The following PTGES3 variants were observed in gnomAD, a reference collection of about 807,000 sequenced individuals.
The protein encoded by PTGES3 is Hsp90 co-chaperone.
In PTGES3, 5 loss-of-function variants were observed where a neutral mutation model predicts 29.9. The observed-to-expected ratio is 0.17, with a 90% CI of 0.09 to 0.35. The LOEUF (loss-of-function observed/expected upper bound fraction) is 0.35, where lower values mean the gene tolerates loss of function less well. Among genes scored for constraint, PTGES3 ranks in the 10% least tolerant of loss-of-function variants. The pLI, the probability that PTGES3 is intolerant of heterozygous loss-of-function variation, is 1.00. For missense variants in PTGES3, 128 were observed against 190.0 expected, an observed-to-expected ratio of 0.67 and a Z score of 1.92; for synonymous variants, 49 against 57.8, an observed-to-expected ratio of 0.85 and a Z score of 0.69.
intron 1 of PTGES3, among the ~76,000 whole-genome samples, chr12:56,677,318 A>G (rs1212866267): frequency 6.6e-6 from 1 of 151,876 alleles, no homozygotes; most frequent in Non-Finnish European, 1.5e-5. Flanking sequence ...TTTGTATCTT[A>G]GAGTGGAAAC....
intron 1 of PTGES3, among the ~76,000 whole-genome samples, chr12:56,673,749 C>T (rs929023129): frequency 4.2e-5 from 6 of 141,474 alleles, no homozygotes; most frequent in African/African-American, 1.1e-4. Flanking sequence ...GCCGAGATTG[C>T]GCCATTGCAC....
At chr12:56,679,189 T>G (rs568835915) in intron 1 of PTGES3, among the ~76,000 whole-genome samples, 4 of 152,032 alleles carry the variant, frequency 2.6e-5, no homozygotes, top group Non-Finnish European at 5.9e-5. Context: ...GCTGGCAGAT[T>G]ACTGGAGGCC....
At chr12:56,680,077 G>GT (rs1262296851) in intron 1 of PTGES3, among the ~76,000 whole-genome samples, 2 of 142,356 alleles carry the variant, frequency 1.4e-5, no homozygotes, top group African/African-American at 2.9e-5. Flanking sequence ...TATTGGTTTT[G>GT]GTTTTTTTTT....
At chr12:56,667,095 T>A (rs1303478814) in intron 5 of PTGES3, among the ~76,000 whole-genome samples, 1 of 150,888 alleles carries the variant, frequency 6.6e-6, no homozygotes, top group Admixed American at 6.6e-5. Flanking sequence ...AGTTTTTGTA[T>A]CTTTGGTAGA....
intron 1 of PTGES3, among the ~76,000 whole-genome samples, chr12:56,684,727 GGTTA>G (rs753398865): frequency 8.5e-5 from 13 of 152,288 alleles, no homozygotes; most frequent in East Asian, 1.9e-4. Flanking sequence ...CCTCTGGCAA[GGTTA>G]GTTAAGCGGA....
chr12:56,685,433 C>T (rs1166854788), intron 1 of PTGES3, among the ~76,000 whole-genome samples: 1 of 141,206 alleles, frequency 7.1e-6, no homozygotes, highest in Non-Finnish European at 1.5e-5. Context: ...GACAGTCTCG[C>T]TGTGTCGCCC....
At chr12:56,686,087 TC>T (rs1365918233) in intron 1 of PTGES3, among the ~76,000 whole-genome samples, 1 of 142,290 alleles carries the variant, frequency 7.0e-6, no homozygotes, top group Non-Finnish European at 1.5e-5. Flanking sequence ...CACTTACTTT[TC>T]ACCCAAGTTT....
Position 56,676,946 on chromosome 12 carries a change from A to G in PTGES3, c.3-3881T>C, listed in dbSNP as rs869159555. On this transcript the variant is annotated intron_variant, in intron 1 of 7. Coordinates refer to ENST00000262033, the MANE Select transcript of PTGES3 (RefSeq NM_006601.7). ...AAAAAAAAAAAAAAAAAAAAAAAAA[A>G]TAGTGCTGGCTAAGTGCGGTGGCTT... Among the ~76,000 whole-genome samples, 3 of 145,912 alleles carry G rather than the reference A, an allele frequency of 2.1e-5. No homozygotes were observed. The East Asian group carries it at 5.9e-4, about 28-fold the overall frequency.
At chr12:56,670,047 T>C (rs1379673965) in intron 5 of PTGES3, among the ~76,000 whole-genome samples, 6 of 152,122 alleles carry the variant, frequency 3.9e-5, no homozygotes, top group African/African-American at 1.4e-4. Context: ...CATTAACTTT[T>C]GTAACTTTTG....
Position 56,672,805 on chromosome 12 carries a change from G to T in PTGES3, c.121C>A (p.Leu41Ile). 2 of 1,583,960 alleles carry T rather than the reference G, an allele frequency of 1.3e-6. No homozygotes were observed. The highest frequency in any genetic ancestry group is 1.2e-5 in the South Asian group (1 of 86,240). ...FEKSKLTFSC[L>I]GGSDNFKHLN... is the part of the protein sequence containing the mutation. The stretch of plus-strand genomic sequence containing the variant: ...TGCTTAAAATTATCACTTCCTCCGA[G>T]ACAACTGTATAAAATAATAAAGAAA... Residue 41 changes from leucine (L) to isoleucine (I), a missense_variant, in exon 3 of 8, where the codon CTC (leucine) becomes ATC (isoleucine). Leu to Ile is a conservative substitution (Grantham distance 5, BLOSUM62 2). Coordinates refer to ENST00000262033, the MANE Select transcript of PTGES3 (RefSeq NM_006601.7).
chr12:56,682,410 AAGTT>A (rs1352488597), intron 1 of PTGES3, among the ~76,000 whole-genome samples: 1 of 152,056 alleles, frequency 6.6e-6, no homozygotes, highest in Non-Finnish European at 1.5e-5. Context: ...AAAAAAAATT[AAGTT>A]AGCTGGGTGT....
intron 1 of PTGES3, among the ~76,000 whole-genome samples, chr12:56,681,698 T>C (rs1248032206): frequency 6.9e-6 from 1 of 145,580 alleles, no homozygotes. Context: ...AAAAAAAAAA[T>C]ACAAAAATTA....
At chr12:56,682,937 T>C (rs1336779300) in intron 1 of PTGES3, among the ~76,000 whole-genome samples, 3 of 151,360 alleles carry the variant, frequency 2.0e-5, no homozygotes, top group Non-Finnish European at 4.4e-5. Context: ...GAGGTTGCAG[T>C]GAGCCAAGAT....
rs758207497 is a variant in PTGES3, at chr12:56,673,484, G to GAAA, written c.3-420_3-419insTTT. Among the ~76,000 whole-genome samples the GAAA allele has an allele frequency of 2.5e-3, 93 of 36,842 alleles. 26 individuals carry two copies. The highest frequency in any genetic ancestry group is 5.2e-3 in the African/African-American group (83 of 16,092). 24.2% of individuals were successfully genotyped at this position (36,842 alleles called of 152,430 possible). The stretch of plus-strand genomic sequence containing the variant: ...CCGACTCTACTACAAATACAAATAC[G>GAAA]GAAAAAAAAAAAAAAAAAAAAAAAA... On this transcript the variant is annotated intron_variant, in intron 1 of 7. Coordinates refer to ENST00000262033, the MANE Select transcript of PTGES3 (RefSeq NM_006601.7).
At chr12:56,685,229 T>C (rs1288027687) in intron 1 of PTGES3, among the ~76,000 whole-genome samples, 1 of 152,210 alleles carries the variant, frequency 6.6e-6, no homozygotes, top group Non-Finnish European at 1.5e-5. Flanking sequence ...ACTTTCATTT[T>C]AAAATTTAAG....
At chr12:56,666,847 G>A (rs572071238) in intron 5 of PTGES3, among the ~76,000 whole-genome samples, 6 of 152,156 alleles carry the variant, frequency 3.9e-5, no homozygotes, top group Non-Finnish European at 5.9e-5. Context: ...GGCTGGTCTC[G>A]AATTCCTGGG....
At chr12:56,666,341 A>G (rs1951786152) in intron 5 of PTGES3, 75 bp from the exon 6 acceptor site, 3 of 1,534,184 alleles carry the variant, frequency 2.0e-6, no homozygotes, top group African/African-American at 2.8e-5. Flanking sequence ...TATGCTTCAG[A>G]ATAAACCTTA....
intron 1 of PTGES3, among the ~76,000 whole-genome samples, chr12:56,676,021 G>A (rs988088706): frequency 6.6e-6 from 1 of 151,862 alleles, no homozygotes; most frequent in Non-Finnish European, 1.5e-5. Flanking sequence ...GGGGCTGGGA[G>A]TTTGAGACCA....
intron 1 of PTGES3, among the ~76,000 whole-genome samples, chr12:56,673,860 G>T (rs1952109517): frequency 6.6e-6 from 1 of 151,586 alleles, no homozygotes; most frequent in Admixed American, 6.6e-5. Flanking sequence ...ATACTTGAGG[G>T]ATGGGACTGA....
Sources: allele counts gnomAD v4.1 joint callset (sites outside exome capture counted in the v4.1 genomes callset), GRCh38; gene constraint gnomAD v4.1.1; transcripts MANE v1.5; gene names NCBI Gene and HGNC (gene_info 2026-07-23, HGNC 2026-07-21).